Variants in FOXP1 observed in about 807,000 individuals in gnomAD.
The protein encoded by FOXP1 is forkhead box protein P1.
In FOXP1, 15 loss-of-function variants were observed where a neutral mutation model predicts 98.2. That is an observed-to-expected ratio of 0.15 (90% CI 0.10 to 0.24). The LOEUF (loss-of-function observed/expected upper bound fraction) is 0.24. Ranked by LOEUF, FOXP1 falls within the 10% of genes least tolerant of loss-of-function variation. FOXP1 has a pLI of 1.00. For missense variants in FOXP1, 633 were observed against 848.5 expected (o/e 0.75, Z 3.15); for synonymous variants, 371 against 314.5 (o/e 1.18, Z -1.90).
intron 6 of FOXP1, among the ~76,000 whole-genome samples, chr3:71,196,680 G>A (rs953185852): frequency 1.3e-5 from 2 of 152,202 alleles, no homozygotes; most frequent in East Asian, 3.8e-4. Flanking sequence ...AACATCACAT[G>A]AACATGTACT....
At chr3:71,258,811 A>G (rs893393714) in intron 5 of FOXP1, among the ~76,000 whole-genome samples, 1 of 152,214 alleles carries the variant, frequency 6.6e-6, no homozygotes, top group Non-Finnish European at 1.5e-5. Context: ...AACAAAGTCA[A>G]TGTTGACCGC....
intron 2 of FOXP1, among the ~76,000 whole-genome samples, chr3:71,553,959 G>T (rs1367319416): frequency 6.6e-6 from 1 of 152,066 alleles, no homozygotes. Context: ...TAAAATATAT[G>T]GTCACTATAA....
chr3:71,312,554 T>C (rs1007631701), intron 4 of FOXP1, among the ~76,000 whole-genome samples: 1 of 152,188 alleles, frequency 6.6e-6, no homozygotes, highest in East Asian at 1.9e-4. Context: ...CTAGGCTCAG[T>C]GGCTCACACC....
At chr3:71,560,137 T>A (rs2046426647) in intron 2 of FOXP1, among the ~76,000 whole-genome samples, 1 of 152,146 alleles carries the variant, frequency 6.6e-6, no homozygotes, top group Admixed American at 6.5e-5. Context: ...ACCATACTTT[T>A]CAGTTACGTG....
intron 5 of FOXP1, among the ~76,000 whole-genome samples, chr3:71,239,457 T>C (rs1560168683): frequency 6.6e-6 from 1 of 152,134 alleles, no homozygotes; most frequent in Admixed American, 6.5e-5. Flanking sequence ...GGCAGGAGAA[T>C]TGCTTAAACC....
At chr3:71,462,471 T>C (rs1357715715) in intron 3 of FOXP1, among the ~76,000 whole-genome samples, 2 of 152,120 alleles carry the variant, frequency 1.3e-5, no homozygotes, top group African/African-American at 4.8e-5. Context: ...CCTCACAGAA[T>C]CACGTATCCA....
intron 5 of FOXP1, among the ~76,000 whole-genome samples, chr3:71,217,315 C>T (rs56284836): frequency 0.013 from 1,968 of 152,238 alleles, 44 homozygotes; most frequent in African/African-American, 0.044. Context: ...TCAAGTGATC[C>T]ACCCGCCTTG....
At chr3:71,553,981 T>C (rs2045949478) in intron 2 of FOXP1, among the ~76,000 whole-genome samples, 1 of 152,226 alleles carries the variant, frequency 6.6e-6, no homozygotes, top group African/African-American at 2.4e-5. Flanking sequence ...CACTTCCAAG[T>C]ATGGTACATA....
In FOXP1 at chr3:71,402,300, C is replaced by G. The variant is rs186426471; in HGVS notation, c.-167-43056G>C. On this transcript the variant is annotated intron_variant, in intron 3 of 20. Coordinates refer to ENST00000649528, the MANE Select transcript of FOXP1 (RefSeq NM_001349338.3). ...CAAAACCCCATCTCTACTAAAGATA[C>G]AAAAATTAGCCAGCCATGGTGGTGC... 7.9e-5 allele frequency among the ~76,000 whole-genome samples: 12 copies of G among 152,168 alleles called. No homozygotes were observed. In the East Asian group the frequency reaches 2.1e-3, roughly 27 times the overall value.
chr3:71,102,990 T>C (rs1450664801), intron 7 of FOXP1, among the ~76,000 whole-genome samples: 1 of 152,216 alleles, frequency 6.6e-6, no homozygotes, highest in Non-Finnish European at 1.5e-5. Flanking sequence ...AGTAGTTGGC[T>C]CCTAGAAAGT....
At chr3:71,127,004 G>A (rs984838125) in intron 6 of FOXP1, among the ~76,000 whole-genome samples, 2 of 151,888 alleles carry the variant, frequency 1.3e-5, no homozygotes, top group African/African-American at 2.4e-5. Context: ...ATTTTGAGTA[G>A]AGATTTTTTT....
intron 3 of FOXP1, among the ~76,000 whole-genome samples, chr3:71,443,301 C>T (rs1393881118): frequency 6.6e-6 from 1 of 152,188 alleles, no homozygotes; most frequent in Non-Finnish European, 1.5e-5. Context: ...GAGTAATTAG[C>T]TTATCCATCA....
At chr3:71,230,944 T>C (rs1216551123) in intron 5 of FOXP1, among the ~76,000 whole-genome samples, 1 of 152,174 alleles carries the variant, frequency 6.6e-6, no homozygotes, top group Non-Finnish European at 1.5e-5. Context: ...CACCTACAAG[T>C]AAGACAGGCT....
rs993331968 is a variant in FOXP1, at chr3:71,197,461, C to T, written c.180+741G>A. ...TATTTCTTGGGTCGCCTGTACCATTCGGAAATATTTTACCAGTCACTCACA... is the reference window on the plus strand; with the variant it reads ...TATTTCTTGGGTCGCCTGTACCATTTGGAAATATTTTACCAGTCACTCACA... On this transcript the variant is annotated intron_variant, in intron 6 of 20. Transcript: ENST00000649528. Among the ~76,000 whole-genome samples, 4 of 152,116 alleles carry T rather than the reference C, an allele frequency of 2.6e-5. 1 individual carries two copies. The highest frequency in any genetic ancestry group is 4.1e-4 in the South Asian group (2 of 4,822).
chr3:71,232,716 C>T (rs146842044), intron 5 of FOXP1, among the ~76,000 whole-genome samples: 1,688 of 151,358 alleles, frequency 0.011, 24 homozygotes, highest in African/African-American at 0.038. Context: ...CTGGGCAACA[C>T]GGTAAAACCC....
At chr3:71,504,313 A>T (rs1022825674) in intron 2 of FOXP1, among the ~76,000 whole-genome samples, 1 of 152,182 alleles carries the variant, frequency 6.6e-6, no homozygotes, top group African/African-American at 2.4e-5. Context: ...ACGAAATTTC[A>T]GATTAATATG....
chr3:71,401,242 T>G (rs2081942007), intron 3 of FOXP1, among the ~76,000 whole-genome samples: 1 of 152,200 alleles, frequency 6.6e-6, no homozygotes, highest in South Asian at 2.1e-4. Context: ...CAAAAAGGGT[T>G]TTGAAAATAA....
intron 5 of FOXP1, among the ~76,000 whole-genome samples, chr3:71,236,023 T>A (rs1304349632): frequency 6.6e-6 from 1 of 152,220 alleles, no homozygotes; most frequent in Non-Finnish European, 1.5e-5. Context: ...GGACCGCATG[T>A]AACAATTCTT....
intron 5 of FOXP1, among the ~76,000 whole-genome samples, chr3:71,268,912 C>G (rs1414089498): frequency 1.3e-5 from 2 of 152,158 alleles, no homozygotes; most frequent in Non-Finnish European, 2.9e-5. Context: ...GTCTCCCTAT[C>G]ACCAGCCTGT....
Sources: allele counts gnomAD v4.1 joint callset (sites outside exome capture counted in the v4.1 genomes callset), GRCh38; gene constraint gnomAD v4.1.1; transcripts MANE v1.5; gene names NCBI Gene and HGNC (gene_info 2026-07-23, HGNC 2026-07-21).